The following EYS variants were observed in gnomAD, a reference collection of about 807,000 sequenced individuals.
EYS encodes the protein EGF-like photoreceptor maintenance factor.
EYS carries 250 observed loss-of-function variants against 282.1 expected under a neutral mutation model. That is an observed-to-expected ratio of 0.89 (90% CI 0.80 to 0.98). The LOEUF (loss-of-function observed/expected upper bound fraction) is 0.98. Ranked by LOEUF, EYS falls within the 50% of genes least tolerant of loss-of-function variation. EYS has a pLI of 0.00. For synonymous variants in EYS, 1,355 were observed against 1,282.9 expected (o/e 1.06, Z -1.20); for missense variants, 4,016 against 3,709.0 (o/e 1.08, Z -2.15).
intron 36 of EYS, among the ~76,000 whole-genome samples, chr6:63,836,317 T>C (rs748664871): frequency 6.6e-6 from 1 of 152,006 alleles, no homozygotes; most frequent in African/African-American, 2.4e-5. Context: ...CTTAGGTGAA[T>C]GTAAAATTTG....
At chr6:64,224,842 T>G (rs1354384376) in intron 31 of EYS, among the ~76,000 whole-genome samples, 1 of 152,100 alleles carries the variant, frequency 6.6e-6, no homozygotes, top group Non-Finnish European at 1.5e-5. Flanking sequence ...ATGATTTTTT[T>G]TTTGTGTTGA....
At chr6:64,748,423 C>T (rs1032566236) in intron 22 of EYS, among the ~76,000 whole-genome samples, 1 of 152,218 alleles carries the variant, frequency 6.6e-6, no homozygotes, top group Non-Finnish European at 1.5e-5. Context: ...GGAGCTGCAA[C>T]CTGCATCTCT....
At chr6:64,350,898 A>T (rs989290094) in intron 29 of EYS, among the ~76,000 whole-genome samples, 2 of 151,376 alleles carry the variant, frequency 1.3e-5, no homozygotes, top group Non-Finnish European at 3.0e-5. Context: ...GTAATGGTGA[A>T]TGAGTTCTCA....
At chr6:65,410,042 C>T (rs115280304) in intron 5 of EYS, among the ~76,000 whole-genome samples, 257 of 151,668 alleles carry the variant, frequency 1.7e-3, no homozygotes, top group African/African-American at 6.0e-3. Context: ...TAATGTTTTC[C>T]TTTTAAATAA....
intron 5 of EYS, among the ~76,000 whole-genome samples, chr6:65,481,095 AG>A (rs1765591338): frequency 6.6e-6 from 1 of 152,202 alleles, no homozygotes; most frequent in Admixed American, 6.5e-5. Context: ...ATTTTCAAAA[AG>A]CTAGAAGGGA....
At chr6:64,793,227 G>T (rs769638566) in intron 22 of EYS, among the ~76,000 whole-genome samples, 2 of 151,962 alleles carry the variant, frequency 1.3e-5, no homozygotes, top group Non-Finnish European at 2.9e-5. Context: ...TGTATTTATT[G>T]GTGTAAATCA....
In EYS at chr6:64,063,226, A is replaced by G. The variant is rs558117782; in HGVS notation, c.6725+3112T>C. Among the ~76,000 whole-genome samples, 6 of 152,270 alleles carry G rather than the reference A, an allele frequency of 3.9e-5. No individual in the cohort carries two copies. The South Asian group carries it at 1.2e-3, about 32-fold the overall frequency. The stretch of plus-strand genomic sequence containing the variant: ...ATGACTCATGAATTCATATTTTCCA[A>G]CCAGATCCCTTCTCTGACCTTTACT... On this transcript the variant is annotated intron_variant, in intron 33 of 42. Transcript: ENST00000503581.
intron 5 of EYS, among the ~76,000 whole-genome samples, chr6:65,410,883 C>A (rs1208176337): frequency 1.3e-5 from 2 of 151,732 alleles, no homozygotes; most frequent in Non-Finnish European, 2.9e-5. Context: ...TAATTAAATT[C>A]TGCTATTTGT....
intron 26 of EYS, among the ~76,000 whole-genome samples, chr6:64,555,524 T>C (rs994310061): frequency 6.6e-6 from 1 of 151,976 alleles, no homozygotes; most frequent in African/African-American, 2.4e-5. Flanking sequence ...TGTGAGGTAA[T>C]GCATGTGTTA....
At chr6:64,595,371 C>T (rs1192814010) in intron 24 of EYS, among the ~76,000 whole-genome samples, 2 of 152,128 alleles carry the variant, frequency 1.3e-5, no homozygotes, top group South Asian at 2.1e-4. Flanking sequence ...CCTCTAAGAA[C>T]TGTAATAAGA....
intron 22 of EYS, among the ~76,000 whole-genome samples, chr6:64,719,983 A>G (rs1771522155): frequency 6.6e-6 from 1 of 152,190 alleles, no homozygotes; most frequent in African/African-American, 2.4e-5. Context: ...TTAGTGTCCT[A>G]TTACTGCTGT....
chr6:65,000,368 T>G (rs1258604589), intron 13 of EYS, among the ~76,000 whole-genome samples: 1 of 152,248 alleles, frequency 6.6e-6, no homozygotes, highest in African/African-American at 2.4e-5. Flanking sequence ...TCTGGATGTA[T>G]TATTCATTTT....
chr6:65,302,375 A>G (rs1352641555), intron 11 of EYS: 2 of 682,098 alleles, frequency 2.9e-6, no homozygotes, highest in Non-Finnish European at 5.3e-6. Flanking sequence ...CAATCAGCTA[A>G]TGATTACAGT....
Position 65,157,566 on chromosome 6 carries a change from A to T in EYS, c.2024-99839T>A, listed in dbSNP as rs1333212491. On this transcript the variant is annotated intron_variant, in intron 12 of 42. Coordinates refer to ENST00000503581, the MANE Select transcript of EYS (RefSeq NM_001142800.2). ...TTCTTGAGATCAGAGAAGCTATTAC[A>T]ATTAATAGCATAAAAATTACTAGAA... Among the ~76,000 whole-genome samples the T allele has an allele frequency of 2.7e-5, 4 of 150,686 alleles. No homozygotes were observed. In the East Asian group the frequency reaches 7.8e-4, roughly 29 times the overall value.
At chr6:64,994,228 T>C (rs548634964) in intron 14 of EYS, among the ~76,000 whole-genome samples, 1 of 152,226 alleles carries the variant, frequency 6.6e-6, no homozygotes, top group South Asian at 2.1e-4. Context: ...TATTGTTTTC[T>C]TAGATTTACT....
chr6:64,746,112 A>T (rs1292653596), intron 22 of EYS, among the ~76,000 whole-genome samples: 1 of 152,044 alleles, frequency 6.6e-6, no homozygotes, highest in Non-Finnish European at 1.5e-5. Flanking sequence ...GAAGTATGAG[A>T]AATAAAAGTT....
At chr6:65,557,313 G>A (rs987757917) in intron 2 of EYS, among the ~76,000 whole-genome samples, 10 of 152,304 alleles carry the variant, frequency 6.6e-5, no homozygotes, top group African/African-American at 7.2e-5. Flanking sequence ...GAGTGTGTGC[G>A]TGAAAGAGTG....
At chr6:64,470,876 G>A (rs1464241474) in intron 26 of EYS, among the ~76,000 whole-genome samples, 1 of 152,166 alleles carries the variant, frequency 6.6e-6, no homozygotes, top group Non-Finnish European at 1.5e-5. Flanking sequence ...GAGAATTTTA[G>A]AAGGAGATGA....
At chr6:65,571,983 T>C (rs1764492110) in intron 2 of EYS, among the ~76,000 whole-genome samples, 1 of 151,990 alleles carries the variant, frequency 6.6e-6, no homozygotes, top group Non-Finnish European at 1.5e-5. Flanking sequence ...AGCCCAAAGT[T>C]ACAAACATTA....
Sources: allele counts gnomAD v4.1 joint callset (sites outside exome capture counted in the v4.1 genomes callset), GRCh38; gene constraint gnomAD v4.1.1; transcripts MANE v1.5; gene names NCBI Gene and HGNC (gene_info 2026-07-23, HGNC 2026-07-21).